The following HS6ST3 variants were observed in gnomAD, a reference collection of about 807,000 sequenced individuals.
The protein encoded by HS6ST3 is heparan-sulfate 6-O-sulfotransferase 3.
Under a neutral mutation model 36.7 loss-of-function variants are expected in HS6ST3, and 12 were observed. The observed-to-expected ratio is 0.33, with a 90% confidence interval of 0.21 to 0.53. HS6ST3 has a LOEUF of 0.53. Ranked by LOEUF, HS6ST3 falls within the 20% of genes least tolerant of loss-of-function variation. HS6ST3 has a pLI of 0.95. For synonymous variants in HS6ST3, 240 were observed against 257.5 expected (o/e 0.93, Z 0.65); for missense variants, 584 against 640.9 (o/e 0.91, Z 0.96).
intron 1 of HS6ST3, among the ~76,000 whole-genome samples, chr13:96,248,253 C>T (rs1236151588): frequency 6.6e-6 from 1 of 152,150 alleles, no homozygotes; most frequent in Non-Finnish European, 1.5e-5. Flanking sequence ...TGTAGTGTGA[C>T]TGGGCTGCAG....
intron 1 of HS6ST3, among the ~76,000 whole-genome samples, chr13:96,718,374 A>G (rs1407477508): frequency 3.3e-5 from 5 of 152,194 alleles, no homozygotes; most frequent in African/African-American, 1.2e-4. Flanking sequence ...ATTGAAGAGT[A>G]TCTTGAGATT....
At chr13:96,544,204 G>C (rs563756853) in intron 1 of HS6ST3, among the ~76,000 whole-genome samples, 11 of 152,180 alleles carry the variant, frequency 7.2e-5, no homozygotes, top group Non-Finnish European at 1.6e-4. Context: ...ACTCAAATCT[G>C]GAACACTGCG....
At chr13:96,304,627 T>C (rs2054901079) in intron 1 of HS6ST3, among the ~76,000 whole-genome samples, 2 of 151,238 alleles carry the variant, frequency 1.3e-5, no homozygotes, top group Non-Finnish European at 1.5e-5. Context: ...GAATAACATA[T>C]ATAATGTGGA....
At chr13:96,392,476 C>T (rs990343727) in intron 1 of HS6ST3, among the ~76,000 whole-genome samples, 1 of 152,082 alleles carries the variant, frequency 6.6e-6, no homozygotes, top group Admixed American at 6.6e-5. Context: ...GAACACGACC[C>T]CATGAGCACT....
At chr13:96,763,414 C>G (rs1314014534) in intron 1 of HS6ST3, among the ~76,000 whole-genome samples, 2 of 150,858 alleles carry the variant, frequency 1.3e-5, no homozygotes, top group African/African-American at 2.4e-5. Context: ...TCACTTGAAC[C>G]TGGGAGGCAG....
At chr13:96,251,643 A>G (rs1232799531) in intron 1 of HS6ST3, among the ~76,000 whole-genome samples, 3 of 151,752 alleles carry the variant, frequency 2.0e-5, no homozygotes, top group Non-Finnish European at 2.9e-5. Context: ...ATATAATGTT[A>G]GATTGTTCAT....
intron 1 of HS6ST3, among the ~76,000 whole-genome samples, chr13:96,477,890 A>T (rs999015830): frequency 7.2e-5 from 11 of 152,080 alleles, no homozygotes; most frequent in African/African-American, 2.2e-4. Flanking sequence ...AAAATAAAAA[A>T]AATAATAATA....
chr13:96,346,553 C>T (rs371667516), intron 1 of HS6ST3, among the ~76,000 whole-genome samples: 3 of 145,676 alleles, frequency 2.1e-5, no homozygotes, highest in Admixed American at 6.9e-5. Flanking sequence ...GCAGCCTGGG[C>T]GACAGAGAGA....
intron 1 of HS6ST3, among the ~76,000 whole-genome samples, chr13:96,197,089 A>G (rs2054318021): frequency 6.6e-6 from 1 of 152,242 alleles, no homozygotes; most frequent in Admixed American, 6.5e-5. Context: ...TGTATTTGAT[A>G]GTTAGATGAT....
At chr13:96,609,051 G>A (rs1444270968) in intron 1 of HS6ST3, among the ~76,000 whole-genome samples, 1 of 151,986 alleles carries the variant, frequency 6.6e-6, no homozygotes, top group Non-Finnish European at 1.5e-5. Flanking sequence ...CTCACTGCAA[G>A]CTCCACCTCC....
chr13:96,579,562 T>TA (rs376837085), intron 1 of HS6ST3, among the ~76,000 whole-genome samples: 847 of 145,214 alleles, frequency 5.8e-3, no homozygotes, highest in African/African-American at 0.012. Flanking sequence ...TCTGTTGTGT[T>TA]AAAAAAAAAA....
intron 1 of HS6ST3, among the ~76,000 whole-genome samples, chr13:96,301,047 C>T (rs1338365028): frequency 2.0e-5 from 3 of 152,138 alleles, no homozygotes; most frequent in African/African-American, 7.2e-5. Context: ...CAGAGGATGC[C>T]TTTAACTATT....
intron 1 of HS6ST3, among the ~76,000 whole-genome samples, chr13:96,669,179 T>G (rs2056675096): frequency 6.6e-6 from 1 of 152,176 alleles, no homozygotes; most frequent in Admixed American, 6.5e-5. Context: ...TGTGAGAATC[T>G]TCTTAGGTAT....
chr13:96,494,038 G>A (rs2055960062), intron 1 of HS6ST3, among the ~76,000 whole-genome samples: 1 of 152,154 alleles, frequency 6.6e-6, no homozygotes, highest in African/African-American at 2.4e-5. Context: ...CTTCGTCTTT[G>A]TGATGCATCA....
At chr13:96,412,305 G>A (rs1231894682) in intron 1 of HS6ST3, among the ~76,000 whole-genome samples, 3 of 152,076 alleles carry the variant, frequency 2.0e-5, no homozygotes, top group African/African-American at 7.2e-5. Context: ...ACCTGGCCGT[G>A]CCTGATATTT....
chr13:96,519,876 T>C (rs2056086570), intron 1 of HS6ST3, among the ~76,000 whole-genome samples: 3 of 152,180 alleles, frequency 2.0e-5, no homozygotes, highest in Admixed American at 6.6e-5. Flanking sequence ...AGGTCTTGAT[T>C]TGGAAAATGT....
chr13:96,390,737 C>G (rs967372560), intron 1 of HS6ST3, among the ~76,000 whole-genome samples: 2 of 152,108 alleles, frequency 1.3e-5, no homozygotes, highest in African/African-American at 4.8e-5. Context: ...AACAAGTGCC[C>G]CCTTCCTTAC....
At chr13:96,195,893 T>G (rs2054310448) in intron 1 of HS6ST3, among the ~76,000 whole-genome samples, 1 of 152,202 alleles carries the variant, frequency 6.6e-6, no homozygotes, top group African/African-American at 2.4e-5. Context: ...CCAGAGCATC[T>G]TGAACAGTAC....
intron 1 of HS6ST3, among the ~76,000 whole-genome samples, chr13:96,501,964 T>C (rs751864291): frequency 6.6e-6 from 1 of 152,230 alleles, no homozygotes; most frequent in African/African-American, 2.4e-5. Context: ...ACTCTGACTT[T>C]TATTCTATCA....
Sources: allele counts gnomAD v4.1 joint callset (sites outside exome capture counted in the v4.1 genomes callset), GRCh38; gene constraint gnomAD v4.1.1; transcripts MANE v1.5; gene names NCBI Gene and HGNC (gene_info 2026-07-23, HGNC 2026-07-21).